PCDHA6: variants seen among roughly 807,000 people sequenced by gnomAD.
The protein encoded by PCDHA6 is protocadherin alpha 6, also known as protocadherin alpha-6.
In PCDHA6, 55 loss-of-function variants were observed where a neutral mutation model predicts 60.3. The observed-to-expected ratio is 0.91, with a 90% CI of 0.73 to 1.14. The LOEUF is 1.14. Ranked by LOEUF, PCDHA6 falls within the 50% of genes most tolerant of loss-of-function variation. The pLI, the probability that PCDHA6 is intolerant of heterozygous loss-of-function variation, is 0.00. For synonymous variants in PCDHA6, 652 were observed against 557.9 expected, an observed-to-expected ratio of 1.17 and a Z score of -2.38; for missense variants, 1,327 against 1,256.5, an observed-to-expected ratio of 1.06 and a Z score of -0.85.
At chr5:140,848,870 C>T (rs2040645245) in intron 1 of PCDHA6, 1 of 1,590,634 alleles carries the variant, frequency 6.3e-7, no homozygotes, top group African/African-American at 1.4e-5. Flanking sequence ...AGGTGAAGGA[C>T]ATTAACGACA....
chr5:141,009,356 G>A (rs535761188), intron 3 of PCDHA6, among the ~76,000 whole-genome samples: 1 of 152,204 alleles, frequency 6.6e-6, no homozygotes, highest in Admixed American at 6.5e-5. Flanking sequence ...CTACTTGGGA[G>A]GCTAAGATGG....
intron 1 of PCDHA6, among the ~76,000 whole-genome samples, chr5:140,886,696 C>T (rs564317930): frequency 2.0e-5 from 3 of 151,944 alleles, no homozygotes; most frequent in Non-Finnish European, 2.9e-5. Flanking sequence ...CATGGTGGCA[C>T]GCGCCTGTAA....
At chr5:140,906,248 T>C (rs143429198) in intron 1 of PCDHA6, among the ~76,000 whole-genome samples, 45 of 152,272 alleles carry the variant, frequency 3.0e-4, no homozygotes, top group African/African-American at 1.1e-3. Context: ...CTTGAACCCA[T>C]ACACACCTCC....
intron 1 of PCDHA6, chr5:140,860,649 AG>A (rs2046495256): frequency 1.3e-5 from 2 of 152,282 alleles, no homozygotes; most frequent in Non-Finnish European, 2.9e-5. Context: ...GAAGAAGATA[AG>A]TGAAATAATA....
At chr5:140,846,407 C>G (rs1780453482) in intron 1 of PCDHA6, among the ~76,000 whole-genome samples, 4 of 124,998 alleles carry the variant, frequency 3.2e-5, no homozygotes, top group Admixed American at 1.8e-4. Context: ...CGGAGTCTCG[C>G]TCTATCTCCC....
intron 1 of PCDHA6, among the ~76,000 whole-genome samples, chr5:140,838,077 AGTGTGT>A (rs2150283763): frequency 0.11 from 9,093 of 79,922 alleles, 336 homozygotes; most frequent in East Asian, 0.23. Flanking sequence ...ATATATATAT[AGTGTGT>A]GTGTGTGTGT....
chr5:140,910,053 G>C (rs2074856503), intron 1 of PCDHA6, among the ~76,000 whole-genome samples: 1 of 152,170 alleles, frequency 6.6e-6, no homozygotes, highest in Non-Finnish European at 1.5e-5. Context: ...CATAATAAGT[G>C]ATCTTTTAAC....
intron 1 of PCDHA6, among the ~76,000 whole-genome samples, chr5:140,846,739 C>A (rs1314749505): frequency 8.0e-5 from 12 of 149,210 alleles, no homozygotes; most frequent in Non-Finnish European, 6.0e-5. Context: ...TTAAATAGGA[C>A]CCTTACAGAT....
chr5:140,886,558 T>G (rs535461538), intron 1 of PCDHA6, among the ~76,000 whole-genome samples: 1 of 152,202 alleles, frequency 6.6e-6, no homozygotes, highest in South Asian at 2.1e-4. Flanking sequence ...CTGGGCACGG[T>G]GGCTCACGCC....
chr5:140,877,416 G>A (rs368900600), intron 1 of PCDHA6: 32 of 1,613,802 alleles, frequency 2.0e-5, no homozygotes, highest in Non-Finnish European at 2.7e-5. Flanking sequence ...ACCGCCTGCT[G>A]GTGCTGGTGA....
At chr5:140,939,089 A>C (rs1048123737) in intron 1 of PCDHA6, among the ~76,000 whole-genome samples, 11 of 152,204 alleles carry the variant, frequency 7.2e-5, no homozygotes, top group Non-Finnish European at 1.2e-4. Context: ...TGGGTGGCTT[A>C]AAAACAATAG....
At chr5:140,915,189 C>T (rs782151020) in intron 1 of PCDHA6, among the ~76,000 whole-genome samples, 21 of 152,010 alleles carry the variant, frequency 1.4e-4, no homozygotes, top group African/African-American at 4.1e-4. Context: ...CCTAGTGATC[C>T]GCCCATCTTG....
At chr5:140,891,424 G>A (rs932574419) in intron 1 of PCDHA6, among the ~76,000 whole-genome samples, 1 of 146,144 alleles carries the variant, frequency 6.8e-6, no homozygotes, top group Non-Finnish European at 1.5e-5. Context: ...TTGCCCCCAA[G>A]TCCCCAACGT....
intron 3 of PCDHA6, among the ~76,000 whole-genome samples, chr5:140,998,401 CA>C (rs2097811473): frequency 6.6e-6 from 1 of 152,108 alleles, no homozygotes; most frequent in African/African-American, 2.4e-5. Context: ...ATCTTTATGC[CA>C]AAGTTTATCT....
intron 1 of PCDHA6, chr5:140,850,121 G>T (rs2150468757): frequency 6.3e-7 from 1 of 1,595,960 alleles, no homozygotes; most frequent in Non-Finnish European, 8.6e-7. Flanking sequence ...ACGCGGGCGT[G>T]CCGCCTCTGG....
At chr5:140,877,332 C>G (rs2057040352) in intron 1 of PCDHA6, 16 of 1,613,990 alleles carry the variant, frequency 9.9e-6, no homozygotes, top group Non-Finnish European at 1.4e-5. Flanking sequence ...GCGCGCACAT[C>G]CCGTTCCACG....
At chr5:140,887,629 T>C (rs2061519169) in intron 1 of PCDHA6, among the ~76,000 whole-genome samples, 1 of 152,128 alleles carries the variant, frequency 6.6e-6, no homozygotes, top group Non-Finnish European at 1.5e-5. Flanking sequence ...TTTATGTTAG[T>C]CTGTTGGGGT....
chr5:140,836,386 C>T, intron 1 of PCDHA6: 1 of 1,613,722 alleles, frequency 6.2e-7, no homozygotes, highest in Non-Finnish European at 8.5e-7. Context: ...GTGCTGGTGT[C>T]GCTGGTGGAA....
chr5:140,954,995 T>C (rs962646761), intron 1 of PCDHA6, among the ~76,000 whole-genome samples: 2 of 152,222 alleles, frequency 1.3e-5, no homozygotes, highest in African/African-American at 2.4e-5. Context: ...TGCATATGGC[T>C]AGCCAATTCT....
Sources: allele counts gnomAD v4.1 joint callset (sites outside exome capture counted in the v4.1 genomes callset), GRCh38; gene constraint gnomAD v4.1.1; transcripts MANE v1.5; gene names NCBI Gene and HGNC (gene_info 2026-07-23, HGNC 2026-07-21).